Variants in AFG1L observed in about 807,000 individuals in gnomAD.
AFG1L encodes the protein AFG1-like ATPase.
AFG1L carries 53 observed loss-of-function variants against 62.2 expected under a neutral mutation model. That is an observed-to-expected ratio of 0.85 (90% CI 0.68 to 1.07). The LOEUF is 1.07. Among genes scored for constraint, AFG1L ranks in the 50% least tolerant of loss-of-function variants. The pLI, the probability that AFG1L is intolerant of heterozygous loss-of-function variation, is 0.00. For missense variants in AFG1L, 555 were observed against 590.5 expected, an observed-to-expected ratio of 0.94 and a Z score of 0.62; for synonymous variants, 228 against 210.3, an observed-to-expected ratio of 1.08 and a Z score of -0.73.
chr6:108,499,760 C>T (rs1321235550), intron 10 of AFG1L, among the ~76,000 whole-genome samples: 2 of 151,774 alleles, frequency 1.3e-5, no homozygotes, highest in Non-Finnish European at 2.9e-5. Context: ...CTGTCCCCAT[C>T]ACCCCCAAAA....
At chr6:108,508,397 G>A (rs772468958) in intron 10 of AFG1L, among the ~76,000 whole-genome samples, 1 of 152,202 alleles carries the variant, frequency 6.6e-6, no homozygotes, top group Non-Finnish European at 1.5e-5. Flanking sequence ...GGCCAGGCAC[G>A]AGGTCTGGAG....
chr6:108,466,255 C>G (rs1772660862), intron 8 of AFG1L, among the ~76,000 whole-genome samples: 1 of 152,172 alleles, frequency 6.6e-6, no homozygotes, highest in African/African-American at 2.4e-5. Context: ...ATCTCCTACA[C>G]TGAACATAGG....
intron 1 of AFG1L, among the ~76,000 whole-genome samples, chr6:108,313,395 C>T (rs918563549): frequency 3.9e-5 from 6 of 152,162 alleles, no homozygotes; most frequent in Non-Finnish European, 8.8e-5. Flanking sequence ...AATGTACAGA[C>T]ATTCCTTAGA....
chr6:108,381,655 G>A (rs1205386467), intron 6 of AFG1L, among the ~76,000 whole-genome samples: 9 of 152,136 alleles, frequency 5.9e-5, no homozygotes, highest in African/African-American at 1.7e-4. Context: ...TCACATACGT[G>A]ATTCTCACGT....
At chr6:108,420,975 G>C (rs1411640327) in intron 7 of AFG1L, among the ~76,000 whole-genome samples, 1 of 152,052 alleles carries the variant, frequency 6.6e-6, no homozygotes, top group Non-Finnish European at 1.5e-5. Flanking sequence ...TTAATTACAC[G>C]TGGCAATTTT....
At chr6:108,297,858 CAAAAAAA>C (rs774320900) in intron 1 of AFG1L, among the ~76,000 whole-genome samples, 4 of 45,160 alleles carry the variant, frequency 8.9e-5, no homozygotes, top group African/African-American at 1.8e-4. Context: ...GAACCTGTCT[CAAAAAAA>C]AAAAAAAAAA....
At chr6:108,321,996 C>T (rs1456157155) in intron 1 of AFG1L, among the ~76,000 whole-genome samples, 3 of 152,160 alleles carry the variant, frequency 2.0e-5, no homozygotes, top group Admixed American at 6.5e-5. Context: ...CGTCCTCCTA[C>T]CTCAGCCTCC....
intron 10 of AFG1L, among the ~76,000 whole-genome samples, chr6:108,492,445 TTTC>T (rs1175259189): frequency 2.6e-5 from 4 of 152,256 alleles, no homozygotes; most frequent in African/African-American, 4.8e-5. Flanking sequence ...TATTATATAC[TTTC>T]TTATTAAAAT....
chr6:108,430,184 A>G (rs1812908), intron 7 of AFG1L, among the ~76,000 whole-genome samples: 89,479 of 151,914 alleles, frequency 0.59, 26,630 homozygotes, highest in Middle Eastern at 0.73. Context: ...CTGACCTCAA[A>G]TGTTCCACCC....
chr6:108,350,418 A>T (rs1223554375), intron 3 of AFG1L, among the ~76,000 whole-genome samples: 3 of 151,546 alleles, frequency 2.0e-5, no homozygotes, highest in African/African-American at 7.3e-5. Context: ...TCATTCTTGC[A>T]CTCTATTTGG....
At chr6:108,465,895 C>A (rs1772647436) in intron 8 of AFG1L, among the ~76,000 whole-genome samples, 1 of 151,798 alleles carries the variant, frequency 6.6e-6, no homozygotes, top group Non-Finnish European at 1.5e-5. Context: ...AACATAGTGA[C>A]ACTTTTTTAA....
chr6:108,448,318 C>T (rs1462864923), intron 8 of AFG1L, among the ~76,000 whole-genome samples: 1 of 151,982 alleles, frequency 6.6e-6, no homozygotes, highest in Non-Finnish European at 1.5e-5. Flanking sequence ...TTTTTCTTCC[C>T]AGTTTCTTTT....
At chr6:108,470,094 C>T (rs1375563453) in intron 8 of AFG1L, among the ~76,000 whole-genome samples, 2 of 152,170 alleles carry the variant, frequency 1.3e-5, no homozygotes, top group African/African-American at 4.8e-5. Flanking sequence ...CTCTGTATTC[C>T]ACCTCTCACC....
chr6:108,344,269 C>T (rs895914594), intron 2 of AFG1L, among the ~76,000 whole-genome samples: 2 of 152,064 alleles, frequency 1.3e-5, no homozygotes, highest in African/African-American at 2.4e-5. Flanking sequence ...TGCACCACAG[C>T]GCCCAGCTAA....
intron 2 of AFG1L, among the ~76,000 whole-genome samples, chr6:108,339,283 G>A (rs2114382299): frequency 6.6e-6 from 1 of 151,350 alleles, no homozygotes; most frequent in Middle Eastern, 3.4e-3. Context: ...TGGGACTACA[G>A]GCACGTGCCA....
Position 108,510,068 on chromosome 6 carries a change from G to A in AFG1L, c.1063-144G>A, listed in dbSNP as rs890717105. 26 of 580,362 alleles carry A rather than the reference G, an allele frequency of 4.5e-5. No individual in the cohort carries two copies. In the African/African-American group the frequency reaches 4.7e-4, roughly 11 times the overall value. The allele number at this position is 580,362 out of a possible 1,614,324, so 36.0% of individuals were successfully genotyped here. ...GTGCACTGAAGTGCCTAGGGCAACT[G>A]CCTATGGGTAACTTGGTCAAGTTAC... On this transcript the variant is annotated intron_variant, in intron 10 of 12. Transcript: ENST00000368977.
intron 5 of AFG1L, among the ~76,000 whole-genome samples, chr6:108,360,050 A>G (rs1779461943): frequency 6.6e-6 from 1 of 152,246 alleles, no homozygotes; most frequent in South Asian, 2.1e-4. Context: ...CTCCAGTGGA[A>G]GAATTAATCG....
chr6:108,351,590 C>T (rs751752337), intron 3 of AFG1L, among the ~76,000 whole-genome samples: 43 of 152,134 alleles, frequency 2.8e-4, no homozygotes, highest in Non-Finnish European at 5.7e-4. Context: ...AGCTAGGACC[C>T]GAGTACAATG....
intron 7 of AFG1L, among the ~76,000 whole-genome samples, chr6:108,430,051 A>G (rs553772696): frequency 6.6e-6 from 1 of 151,880 alleles, no homozygotes; most frequent in Non-Finnish European, 1.5e-5. Flanking sequence ...GGGTTCAAGC[A>G]GTTCTCCTGC....
Sources: allele counts gnomAD v4.1 joint callset (sites outside exome capture counted in the v4.1 genomes callset), GRCh38; gene constraint gnomAD v4.1.1; transcripts MANE v1.5; gene names NCBI Gene and HGNC (gene_info 2026-07-23, HGNC 2026-07-21).